The following CCDC27 variants were observed in gnomAD, a reference collection of about 807,000 sequenced individuals.
CCDC27 encodes coiled-coil domain-containing protein 27.
In CCDC27, 80 loss-of-function variants were observed where a neutral mutation model predicts 80.3. That is an observed-to-expected ratio of 1.00 (90% CI 0.83 to 1.20). The LOEUF is 1.20. CCDC27 is among the 50% of genes most tolerant of loss of function. The pLI, the probability that CCDC27 is intolerant of heterozygous loss-of-function variation, is 0.00. For missense variants in CCDC27, 815 were observed against 809.4 expected, an observed-to-expected ratio of 1.01 and a Z score of -0.08; for synonymous variants, 342 against 334.3, an observed-to-expected ratio of 1.02 and a Z score of -0.25.
intron 8 of CCDC27, among the ~76,000 whole-genome samples, chr1:3,765,971 G>A (rs566072613): frequency 1.3e-5 from 2 of 151,804 alleles, no homozygotes; most frequent in Non-Finnish European, 2.9e-5. Flanking sequence ...CCAGAGTCGG[G>A]TGATCCTCTC....
rs1307718717 is a variant in CCDC27 at position 3,766,651 on chromosome 1, C to T, written c.1530+39C>T. On this transcript the variant is annotated intron_variant, in intron 9 of 11. Coordinates refer to ENST00000294600, the MANE Select transcript of CCDC27 (RefSeq NM_152492.3). The surrounding 1 kb of genome is among the most constrained non-coding windows in gnomAD (Gnocchi z 6.1). Reference sequence around the variant, plus strand: ...TGTCGTTAAATGATCAGCCAGGCCACTGTTCTTACTGTAAGTCCCAACACA... The same window carrying T: ...TGTCGTTAAATGATCAGCCAGGCCATTGTTCTTACTGTAAGTCCCAACACA... The T allele has an allele frequency of 6.5e-7, 1 of 1,537,880 alleles. No individual in the cohort carries two copies. Among genetic ancestry groups the T allele is most frequent in the East Asian group, 2.2e-5 (1 of 44,540 alleles).
Position 3,763,415 on chromosome 1 carries a change from T to A in CCDC27, c.1262T>A (p.Val421Asp). Residue 421 changes from valine (V) to aspartate (D), a missense_variant, in exon 7 of 12, where the codon GTC becomes GAC. Coordinates refer to ENST00000294600, the MANE Select transcript of CCDC27 (RefSeq NM_152492.3). The surrounding 1 kb of genome is among the most constrained non-coding windows in gnomAD (Gnocchi z 7.5). Reference protein sequence around the residue: ...LLAQLEEYEQVILDFQFNLEA... With the variant: ...LLAQLEEYEQDILDFQFNLEA... ...GCCCAGCTGGAGGAGTACGAGCAGGTCATCCTGGACTTCCAGTTCAACCTG... is the reference window on the plus strand; with the variant it reads ...GCCCAGCTGGAGGAGTACGAGCAGGACATCCTGGACTTCCAGTTCAACCTG... The A allele has an allele frequency of 5.0e-6, 8 of 1,612,264 alleles. No homozygotes were observed. Among genetic ancestry groups the A allele is most frequent in the Non-Finnish European group, 6.8e-6 (8 of 1,179,734 alleles).
In CCDC27 at chr1:3,766,607, C is replaced by A. The variant is rs1212851244; in HGVS notation, c.1525C>A (p.Arg509=). 1.2e-6 allele frequency: 2 copies of A among 1,612,872 alleles called. No individual in the cohort carries two copies. The highest frequency in any genetic ancestry group is 2.2e-5 in the South Asian group (2 of 90,986). The change falls in exon 9 of 12, where the codon CGA becomes AGA. Residue 509 remains arginine (R), a synonymous_variant. Transcript: ENST00000294600. This position sits in a 1 kb window ranked among gnomAD's most constrained non-coding sequence, Gnocchi z 6.1. ...GLIEKDNQLL[R]QQVSELERKL... is the part of the protein sequence containing the mutation. ...CATTGAAAAGGACAACCAGCTCCTC[C>A]GACAGGTGACAGCCTGGGTGTCGTT... is the stretch of plus-strand genomic sequence containing the variant.
chr1:3,753,697 G>C (rs1482184659), intron 1 of CCDC27, among the ~76,000 whole-genome samples: 2 of 152,240 alleles, frequency 1.3e-5, no homozygotes, highest in Non-Finnish European at 1.5e-5. Context: ...TGCTGGAGAG[G>C]GGACAGAGGG....
chr1:3,756,698 T>C (rs1363005269), intron 3 of CCDC27, 35 bp from the exon 4 acceptor site: 3 of 1,610,248 alleles, frequency 1.9e-6, no homozygotes, highest in Non-Finnish European at 1.7e-6. Context: ...CAGGGAAGGG[T>C]CTCATTTCTC....
Position 3,769,116 on chromosome 1 carries a change from T to C in CCDC27, c.1744-667T>C, listed in dbSNP as rs1643299628. Among the ~76,000 whole-genome samples the C allele has an allele frequency of 6.6e-6, 1 of 152,054 alleles. No individual in the cohort carries two copies. Among genetic ancestry groups the C allele is most frequent in the Non-Finnish European group, 1.5e-5 (1 of 68,008 alleles). ...TGAGCGTGCCGCATAACTCAAGGGGTTCCTGTCTGAGGCTCCTGGGGTGCA... is the reference window on the plus strand; with the variant it reads ...TGAGCGTGCCGCATAACTCAAGGGGCTCCTGTCTGAGGCTCCTGGGGTGCA... On this transcript the variant is annotated intron_variant, in intron 10 of 11. Transcript: ENST00000294600. The surrounding 1 kb of genome is among the most constrained non-coding windows in gnomAD (Gnocchi z 4.6).
In CCDC27 at chr1:3,771,451, C is replaced by G; in HGVS notation, c.1899C>G (p.Gly633=). The change falls in exon 12 of 12, where the codon GGC becomes GGG. Residue 633 remains glycine (G), a synonymous_variant. Transcript: ENST00000294600. Reference sequence around the variant, plus strand: ...ACTATAATCAGCTGAAGCAGAAAGGCGTCAAAGTGCCCCCCCTGCAACAGT... The same window carrying G: ...ACTATAATCAGCTGAAGCAGAAAGGGGTCAAAGTGCCCCCCCTGCAACAGT... ...SDYYNQLKQK[G]VKVPPLQQSE... 6.2e-7 allele frequency: 1 copy of G among 1,614,034 alleles called. No individual in the cohort carries two copies. The highest frequency in any genetic ancestry group is 8.5e-7 in the Non-Finnish European group (1 of 1,179,986).
Position 3,763,614 on chromosome 1 carries a change from G to C in CCDC27, c.1322-92G>C. Reference sequence around the variant, plus strand: ...CGGCAGCCTCACCCAGGCTGGCAGAGCCCTCCCAGCTGCCGCAGTGGCCCG... The same window carrying C: ...CGGCAGCCTCACCCAGGCTGGCAGACCCCTCCCAGCTGCCGCAGTGGCCCG... On this transcript the variant is annotated intron_variant, in intron 7 of 11. Coordinates refer to ENST00000294600, the MANE Select transcript of CCDC27 (RefSeq NM_152492.3). This position sits in a 1 kb window ranked among gnomAD's most constrained non-coding sequence, Gnocchi z 7.5. The C allele has an allele frequency of 6.3e-7, 1 of 1,578,870 alleles. No individual in the cohort carries two copies. The highest frequency in any genetic ancestry group is 8.6e-7 in the Non-Finnish European group (1 of 1,156,218).
Position 3,763,716 on chromosome 1 carries a change from G to A in CCDC27, c.1332G>A (p.Ala444=), listed in dbSNP as rs769945167. The A allele has an allele frequency of 1.2e-5, 20 of 1,613,986 alleles. No individual in the cohort carries two copies. The highest frequency in any genetic ancestry group is 5.5e-5 in the South Asian group (5 of 91,092). ...TRYSLATGVI[A]SLQQQVDFQE... is the part of the protein sequence containing the mutation. Reference sequence around the variant, plus strand: ...TGCCTCTGTGCCCAGGAGTGATTGCGTCTTTACAACAACAAGTGGATTTCC... The same window carrying A: ...TGCCTCTGTGCCCAGGAGTGATTGCATCTTTACAACAACAAGTGGATTTCC... Residue 444 remains alanine (A), a synonymous_variant, in exon 8 of 12, where the codon GCG becomes GCA. Coordinates refer to ENST00000294600, the MANE Select transcript of CCDC27 (RefSeq NM_152492.3). This position sits in a 1 kb window ranked among gnomAD's most constrained non-coding sequence, Gnocchi z 7.5.
At position 3,763,676 on chromosome 1, in the gene CCDC27, C is replaced by G; in HGVS notation, c.1322-30C>G. ...CTGTCCCTCACTGCCCCTGCTTGCTCCTGCTCACCGCCTCTGCCTCTGTGC... is the reference window on the plus strand; with the variant it reads ...CTGTCCCTCACTGCCCCTGCTTGCTGCTGCTCACCGCCTCTGCCTCTGTGC... On this transcript the variant is annotated intron_variant, in intron 7 of 11. Transcript: ENST00000294600. The surrounding 1 kb of genome is among the most constrained non-coding windows in gnomAD (Gnocchi z 7.5). 1 of 1,613,590 alleles carries G rather than the reference C, an allele frequency of 6.2e-7. No individual in the cohort carries two copies. Among genetic ancestry groups the G allele is most frequent in the Non-Finnish European group, 8.5e-7 (1 of 1,179,688 alleles).
Position 3,763,528 on chromosome 1 carries a change from A to T in CCDC27, c.1321+54A>T. 6.5e-7 allele frequency: 1 copy of T among 1,549,904 alleles called. No homozygotes were observed. The highest frequency in any genetic ancestry group is 1.2e-5 in the South Asian group (1 of 80,326). On this transcript the variant is annotated intron_variant, in intron 7 of 11. Coordinates refer to ENST00000294600, the MANE Select transcript of CCDC27 (RefSeq NM_152492.3). This position sits in a 1 kb window ranked among gnomAD's most constrained non-coding sequence, Gnocchi z 7.5. ...TTGGCCACTCAGTGGTTCCCGGCCC[A>T]GGAGCTGGGACGCCCAGACGCTGCC...
At position 3,763,350 on chromosome 1, in the gene CCDC27, G is replaced by T; in HGVS notation, c.1197G>T (p.Arg399Ser). ...AGGAAGAGGAGATCCCCAGGAGAAGGGCCTCCTCCCTGGCCGAGTCGTTTG... is the reference window on the plus strand; with the variant it reads ...AGGAAGAGGAGATCCCCAGGAGAAGTGCCTCCTCCCTGGCCGAGTCGTTTG... ...LPEEEEIPRR[R>S]ASSLAESFEE... is the part of the protein sequence containing the mutation. The change falls in exon 7 of 12, where the codon AGG becomes AGT. Residue 399 changes from arginine to serine, a missense_variant. By Grantham distance (110) the Arg-to-Ser change is moderately radical. Coordinates refer to ENST00000294600, the MANE Select transcript of CCDC27 (RefSeq NM_152492.3). The surrounding 1 kb of genome is among the most constrained non-coding windows in gnomAD (Gnocchi z 7.5). The T allele has an allele frequency of 6.2e-7, 1 of 1,613,046 alleles. No homozygotes were observed.
chr1:3,769,096 G>A lies in CCDC27; in HGVS notation c.1744-687G>A, dbSNP rs576549571. Among the ~76,000 whole-genome samples, 146 of 152,298 alleles carry A rather than the reference G, an allele frequency of 9.6e-4. No homozygotes were observed. Among genetic ancestry groups the A allele is most frequent in the African/African-American group, 3.3e-3 (137 of 41,570 alleles). On this transcript the variant is annotated intron_variant, in intron 10 of 11. Transcript: ENST00000294600. This position sits in a 1 kb window ranked among gnomAD's most constrained non-coding sequence, Gnocchi z 4.6. ...TCTGGACGAGGAACTCGTGCTGAGC[G>A]TGCCGCATAACTCAAGGGGTTCCTG...
intron 9 of CCDC27, 127 bp from the exon 10 acceptor site, chr1:3,767,106 T>C: frequency 1.3e-6 from 1 of 773,966 alleles, no homozygotes; most frequent in Admixed American, 2.4e-5. Flanking sequence ...CCCAAAGTGC[T>C]GGGATTACAG....
At chr1:3,771,266 C>A in intron 11 of CCDC27, 135 bp from the exon 12 acceptor site, 2 of 1,063,700 alleles carry the variant, frequency 1.9e-6, no homozygotes, top group Non-Finnish European at 1.4e-6. Flanking sequence ...CCAGCACACC[C>A]CTGCTGCAGC....
In CCDC27 at chr1:3,769,771, C is replaced by T. The variant is rs1643314176; in HGVS notation, c.1744-12C>T. On this transcript the variant is annotated splice_polypyrimidine_tract_variant and intron_variant, in intron 10 of 11. Transcript: ENST00000294600. The surrounding 1 kb of genome is among the most constrained non-coding windows in gnomAD (Gnocchi z 4.6). ...GTAAAGGCGAATGATAGTGTTGTCCCTTTGCTCACAGCTCGAGAGGTTAAG... is the reference window on the plus strand; with the variant it reads ...GTAAAGGCGAATGATAGTGTTGTCCTTTTGCTCACAGCTCGAGAGGTTAAG... 7 of 1,606,986 alleles carry T rather than the reference C, an allele frequency of 4.4e-6. No homozygotes were observed. In the African/African-American group the frequency reaches 5.3e-5, roughly 12 times the overall value.
Position 3,754,297 on chromosome 1 carries a change from G to A in CCDC27, c.442+56G>A, listed in dbSNP as rs567609282. On this transcript the variant is annotated intron_variant, in intron 2 of 11. Coordinates refer to ENST00000294600, the MANE Select transcript of CCDC27 (RefSeq NM_152492.3). ...AACTGCCTGTCAGAGTCGAGGGGCCGGGGGAGGCCTTCCTGCACCCTTCAG... is the reference window on the plus strand; with the variant it reads ...AACTGCCTGTCAGAGTCGAGGGGCCAGGGGAGGCCTTCCTGCACCCTTCAG... 728 of 1,512,798 alleles carry A rather than the reference G, an allele frequency of 4.8e-4. 5 individuals are homozygous for A. In the African/African-American group the frequency reaches 6.6e-3, roughly 14 times the overall value. The allele number at this position is 1,512,798 out of a possible 1,614,324, so 93.7% of individuals were successfully genotyped here. A position where few individuals can be genotyped will look rare whatever the true frequency, so the allele number is the denominator to read the frequency against.
chr1:3,769,662 A>T lies in CCDC27; in HGVS notation c.1744-121A>T. ...CCTGTTTCCAGTTTCTAAAGCCATG[A>T]AAAGTGAGGGTGAGCTGTTCCTTCC... On this transcript the variant is annotated intron_variant, in intron 10 of 11. Coordinates refer to ENST00000294600, the MANE Select transcript of CCDC27 (RefSeq NM_152492.3). The surrounding 1 kb of genome is among the most constrained non-coding windows in gnomAD (Gnocchi z 4.6). 2 of 710,430 alleles carry T rather than the reference A, an allele frequency of 2.8e-6. No homozygotes were observed. The highest frequency in any genetic ancestry group is 5.1e-6 in the Non-Finnish European group (2 of 389,982). The allele number at this position is 710,430 out of a possible 1,614,324, so 44.0% of individuals were successfully genotyped here. A position where few individuals can be genotyped will look rare whatever the true frequency, so the allele number is the denominator to read the frequency against.
At chr1:3,767,482 C>T in intron 10 of CCDC27, 37 bp downstream of exon 10, 1 of 1,559,368 alleles carries the variant, frequency 6.4e-7, no homozygotes, top group Middle Eastern at 2.2e-4. Context: ...TCTGTCCCAG[C>T]AGCTGGCGGC....
Sources: gnomAD v4.1 joint callset for allele counts (sites outside exome capture counted in the v4.1 genomes callset) on GRCh38, gnomAD v4.1.1 for gene constraint, Gnocchi (gnomAD v3.1) non-coding constraint, MANE v1.5 for transcripts, NCBI Gene and HGNC (gene_info 2026-07-23, HGNC 2026-07-21) for gene names.